Variants in ROBO2 observed in about 807,000 individuals in gnomAD.
The protein encoded by ROBO2 is roundabout guidance receptor 2.
ROBO2 carries 53 observed loss-of-function variants against 160.8 expected under a neutral mutation model. The ratio of observed to expected loss-of-function variants is 0.33; its 90% CI spans 0.26 to 0.41. The LOEUF (loss-of-function observed/expected upper bound fraction) is 0.41. ROBO2 is among the 10% of genes least tolerant of loss of function. ROBO2 has a pLI of 1.00. For missense variants in ROBO2, 1,577 were observed against 1,722.4 expected, an observed-to-expected ratio of 0.92 and a Z score of 1.49; for synonymous variants, 664 against 611.7, an observed-to-expected ratio of 1.09 and a Z score of -1.26.
intron 1 of ROBO2, among the ~76,000 whole-genome samples, chr3:75,919,365 C>T (rs1399563377): frequency 3.3e-5 from 5 of 152,160 alleles, no homozygotes; most frequent in African/African-American, 9.7e-5. Context: ...GTTGAACCAG[C>T]CTTGCATGCC....
intron 2 of ROBO2, among the ~76,000 whole-genome samples, chr3:77,406,191 G>A (rs1290816854): frequency 6.6e-6 from 1 of 152,150 alleles, no homozygotes; most frequent in Non-Finnish European, 1.5e-5. Context: ...CACTTTAAAA[G>A]CATCAGCTCT....
chr3:77,629,420 G>A (rs2095108622), intron 23 of ROBO2: 1 of 152,026 alleles, frequency 6.6e-6, no homozygotes. Context: ...ACATAGACAG[G>A]AAACGAAAGA....
intron 2 of ROBO2, among the ~76,000 whole-genome samples, chr3:76,711,110 G>A (rs1464067127): frequency 2.0e-5 from 3 of 152,138 alleles, no homozygotes; most frequent in Non-Finnish European, 4.4e-5. Context: ...ATTCTCAAAT[G>A]CTATGTAAAA....
intron 2 of ROBO2, among the ~76,000 whole-genome samples, chr3:76,023,583 G>A (rs114869441): frequency 6.5e-4 from 98 of 151,724 alleles, no homozygotes; most frequent in African/African-American, 2.3e-3. Flanking sequence ...TATCTTATAT[G>A]TGCAGAGTGT....
At chr3:76,837,119 T>A (rs1481225476) in intron 2 of ROBO2, among the ~76,000 whole-genome samples, 1 of 151,976 alleles carries the variant, frequency 6.6e-6, no homozygotes, top group African/African-American at 2.4e-5. Context: ...TGCATTTTTA[T>A]TACAACGTTT....
At chr3:76,257,296 A>ATGTG (rs199824539) in intron 2 of ROBO2, among the ~76,000 whole-genome samples, 19,706 of 151,340 alleles carry the variant, frequency 0.13, 2,027 homozygotes, top group East Asian at 0.41. Context: ...ACACGTGCAT[A>ATGTG]TGTGTGTGTG....
At chr3:75,979,193 C>T (rs2065211848) in intron 2 of ROBO2, among the ~76,000 whole-genome samples, 1 of 151,350 alleles carries the variant, frequency 6.6e-6, no homozygotes, top group African/African-American at 2.4e-5. Flanking sequence ...AAAGTTATGG[C>T]AGTGATAACT....
chr3:76,538,500 T>A (rs1049329176), intron 2 of ROBO2, among the ~76,000 whole-genome samples: 2 of 152,236 alleles, frequency 1.3e-5, no homozygotes, highest in African/African-American at 4.8e-5. Flanking sequence ...TACCATTGTT[T>A]AACTGCTGTT....
intron 2 of ROBO2, among the ~76,000 whole-genome samples, chr3:77,309,175 C>A (rs376168293): frequency 3.3e-5 from 5 of 150,792 alleles, no homozygotes; most frequent in African/African-American, 1.2e-4. Context: ...AATTTATTTT[C>A]CTTTTCCTTT....
intron 2 of ROBO2, among the ~76,000 whole-genome samples, chr3:76,995,566 A>C (rs1450080881): frequency 6.6e-6 from 1 of 152,142 alleles, no homozygotes; most frequent in African/African-American, 2.4e-5. Flanking sequence ...CAGTCCCACC[A>C]ACAGTGTAAA....
chr3:77,564,747 T>C (rs991060758), intron 11 of ROBO2, among the ~76,000 whole-genome samples: 3 of 152,132 alleles, frequency 2.0e-5, no homozygotes, highest in Non-Finnish European at 4.4e-5. Context: ...TTGTTGTGCA[T>C]GGCACTTTTG....
At chr3:77,032,685 A>C (rs2063393435) in intron 2 of ROBO2, among the ~76,000 whole-genome samples, 1 of 152,138 alleles carries the variant, frequency 6.6e-6, no homozygotes, top group African/African-American at 2.4e-5. Context: ...TCACAGTGCA[A>C]AGCATACAAC....
chr3:76,547,789 G>A (rs528709653), intron 2 of ROBO2, among the ~76,000 whole-genome samples: 4 of 152,110 alleles, frequency 2.6e-5, no homozygotes, highest in South Asian at 2.1e-4. Flanking sequence ...AGAAAATCAC[G>A]TTACTCATCT....
At chr3:76,131,435 T>C (rs1330808301) in intron 2 of ROBO2, among the ~76,000 whole-genome samples, 1 of 152,020 alleles carries the variant, frequency 6.6e-6, no homozygotes, top group African/African-American at 2.4e-5. Flanking sequence ...TAATGTGAGA[T>C]TGAGGTTTGC....
At chr3:76,056,553 T>G (rs1387036002) in intron 2 of ROBO2, among the ~76,000 whole-genome samples, 1 of 151,686 alleles carries the variant, frequency 6.6e-6, no homozygotes, top group Non-Finnish European at 1.5e-5. Context: ...TTTTGTTGCC[T>G]GTTTATAGAG....
rs866867584 is a variant in ROBO2 at position 76,352,678 on chromosome 3, C to T, written c.109+415076C>T. On this transcript the variant is annotated intron_variant, in intron 2 of 26. Coordinates refer to the ROBO2 transcript ENST00000487694. ...TTGTGTTCATGAATGATTGATGAAG[C>T]GGCCTTTATGTGCAGTCTCCTGTGG... is the stretch of plus-strand genomic sequence containing the variant. Among the ~76,000 whole-genome samples the T allele has an allele frequency of 8.6e-5, 13 of 151,936 alleles. 2 individuals are homozygous for T. The highest frequency in any genetic ancestry group is 3.1e-4 in the African/African-American group (13 of 41,496).
At chr3:76,453,211 T>G in intron 2 of ROBO2, among the ~76,000 whole-genome samples, 1 of 152,250 alleles carries the variant, frequency 6.6e-6, no homozygotes, top group Non-Finnish European at 1.5e-5. Flanking sequence ...TGGCTTTTGT[T>G]GCCATTGCTT....
At chr3:76,639,691 G>A (rs2090546814) in intron 2 of ROBO2, among the ~76,000 whole-genome samples, 2 of 152,096 alleles carry the variant, frequency 1.3e-5, no homozygotes, top group South Asian at 4.1e-4. Context: ...AATGAATAGT[G>A]AAGACATGAT....
intron 2 of ROBO2, among the ~76,000 whole-genome samples, chr3:76,944,949 C>T (rs1358306551): frequency 6.6e-6 from 1 of 151,402 alleles, no homozygotes; most frequent in South Asian, 2.1e-4. Context: ...AGTTCAGTGG[C>T]GCGATCTCAG....
Sources: allele counts gnomAD v4.1 joint callset (sites outside exome capture counted in the v4.1 genomes callset), GRCh38; gene constraint gnomAD v4.1.1; transcripts MANE v1.5; gene names NCBI Gene and HGNC (gene_info 2026-07-23, HGNC 2026-07-21).